ACADM: variants seen among roughly 807,000 people sequenced by gnomAD.
The protein encoded by ACADM is acyl-CoA dehydrogenase medium chain, also known as medium-chain specific acyl-CoA dehydrogenase, mitochondrial.
A neutral mutation model predicts 58.9 loss-of-function variants in ACADM; 49 were observed. That is an observed-to-expected ratio of 0.83 (90% CI 0.66 to 1.06). The LOEUF is 1.06. Ranked by LOEUF, ACADM falls within the 50% of genes least tolerant of loss-of-function variation. ACADM has a pLI of 0.00. For missense variants in ACADM, 496 were observed against 507.0 expected (o/e 0.98, Z 0.21); for synonymous variants, 160 against 157.7 (o/e 1.01, Z -0.11).
chr1:75,733,227 T>C (rs1253596814), intron 4 of ACADM: 9 of 1,553,864 alleles, frequency 5.8e-6, no homozygotes, highest in African/African-American at 1.4e-5. Context: ...TGAGTCTTTT[T>C]TGTGAACCAT....
rs1330630804 is a variant in ACADM, at chr1:75,763,472, A to T, written c.*709A>T. ...TGTTTGCATTTTGGCAAAGAACTTA[A>T]TAAAATTGTTCAGTGCTTATTATCA... On this transcript the variant is annotated 3_prime_UTR_variant, in exon 12 of 12. Transcript: ENST00000370841. 6.6e-6 allele frequency: 1 copy of T among 152,214 alleles called. No individual in the cohort carries two copies. Among genetic ancestry groups the T allele is most frequent in the Non-Finnish European group, 1.5e-5 (1 of 68,034 alleles). The allele number at this position is 152,214 out of a possible 1,614,324, so 9.4% of individuals were successfully genotyped here. A position where few individuals can be genotyped will look rare whatever the true frequency, so the allele number is the denominator to read the frequency against.
rs1212362907 is a variant in ACADM, at chr1:75,763,384, A to G, written c.*621A>G. 6.6e-6 allele frequency: 1 copy of G among 152,220 alleles called. No homozygotes were observed. Among genetic ancestry groups the G allele is most frequent in the African/African-American group, 2.4e-5 (1 of 41,464 alleles). The allele number at this position is 152,220 out of a possible 1,614,324, so 9.4% of individuals were successfully genotyped here. On this transcript the variant is annotated 3_prime_UTR_variant, in exon 12 of 12. Transcript: ENST00000370841. ...AAATCAATAAAGCTTGCCTTAAATT[A>G]TTTTTATATGACTGTTGGTCTCTAG...
At chr1:75,744,296 C>T in intron 7 of ACADM, 1 of 1,613,606 alleles carries the variant, frequency 6.2e-7, no homozygotes, top group Non-Finnish European at 8.5e-7. Flanking sequence ...GGGGCTGCAG[C>T]AGCAGGAGCT....
chr1:75,732,603 T>C (rs1185940846), intron 2 of ACADM, 41 bp from the exon 3 acceptor site: 5 of 1,472,918 alleles, frequency 3.4e-6, no homozygotes, highest in Non-Finnish European at 4.8e-6. Context: ...ACATTTTTCC[T>C]TGTTATCCAG....
chr1:75,734,823 A>G lies in ACADM; in HGVS notation c.420A>G (p.Gln140=). ...CTATTATTATTGCTGGAAATGATCA[A>G]CAAAAGAAGAAGTATTTGGGGAGAA... The part of the protein sequence containing the change: ...QMPIIIAGND[Q]QKKKYLGRMT... Residue 140 remains glutamine (Q), a synonymous_variant, in exon 6 of 12, where the codon CAA becomes CAG. Coordinates refer to ENST00000370841, the MANE Select transcript of ACADM (RefSeq NM_000016.6). 2 of 1,613,972 alleles carry G rather than the reference A, an allele frequency of 1.2e-6. No homozygotes were observed. Among genetic ancestry groups the G allele is most frequent in the South Asian group, 2.2e-5 (2 of 91,066 alleles).
At chr1:75,751,553 C>CAGTG (rs1200157346) in intron 10 of ACADM, among the ~76,000 whole-genome samples, 1 of 150,848 alleles carries the variant, frequency 6.6e-6, no homozygotes, top group Admixed American at 6.6e-5. Context: ...AGCTGAAGTA[C>CAGTG]AGTGGCATGA....
At chr1:75,733,341 G>A in intron 4 of ACADM, 187 bp from the exon 5 acceptor site, 1 of 1,016,528 alleles carries the variant, frequency 9.8e-7, no homozygotes, top group Non-Finnish European at 1.4e-6. Flanking sequence ...ATAATTTTTT[G>A]AAAATTTTAG....
intron 7 of ACADM, chr1:75,743,867 C>A: frequency 7.0e-7 from 1 of 1,419,328 alleles, no homozygotes. Flanking sequence ...TTGGTTATAT[C>A]ATCAATCACT....
chr1:75,753,124 C>T (rs1242865593), intron 10 of ACADM, among the ~76,000 whole-genome samples: 1 of 152,068 alleles, frequency 6.6e-6, no homozygotes, highest in Non-Finnish European at 1.5e-5. Flanking sequence ...TTTTTTAACC[C>T]TCCTGGGCAA....
chr1:75,740,594 T>C (rs1411536018), intron 7 of ACADM, among the ~76,000 whole-genome samples: 1 of 151,996 alleles, frequency 6.6e-6, no homozygotes, highest in Admixed American at 6.6e-5. Context: ...TCAAAAAATA[T>C]GAAGTTCAAC....
chr1:75,726,498 G>T (rs1439089149), intron 1 of ACADM, among the ~76,000 whole-genome samples: 1 of 151,950 alleles, frequency 6.6e-6, no homozygotes, highest in Non-Finnish European at 1.5e-5. Flanking sequence ...GTTTTCCTTT[G>T]TTATGGAACC....
At chr1:75,761,433 GA>G in intron 11 of ACADM, 63 bp downstream of exon 11, 1 of 1,565,370 alleles carries the variant, frequency 6.4e-7, no homozygotes, top group Middle Eastern at 1.9e-4. Context: ...TGACAACGTG[GA>G]TTTCTGATTA....
intron 10 of ACADM, among the ~76,000 whole-genome samples, chr1:75,751,995 C>CTTTT (rs34262751): frequency 5.0e-5 from 7 of 140,272 alleles, no homozygotes; most frequent in African/African-American, 8.0e-5. Flanking sequence ...TCCTATTTCT[C>CTTTT]TTTTTTTTTT....
At chr1:75,727,789 A>G (rs1647079135) in intron 1 of ACADM, among the ~76,000 whole-genome samples, 1 of 152,216 alleles carries the variant, frequency 6.6e-6, no homozygotes. Flanking sequence ...AAGCGGCAAT[A>G]GACAGCATGA....
At chr1:75,733,687 C>T in intron 5 of ACADM, 59 bp downstream of exon 5, 1 of 1,376,178 alleles carries the variant, frequency 7.3e-7, no homozygotes, top group East Asian at 2.3e-5. Context: ...ATAGTTACTC[C>T]TGAAGAAGTT....
chr1:75,731,278 CAAAAAAAAAAAAAA>C (rs56885972), intron 2 of ACADM, among the ~76,000 whole-genome samples: 2 of 64,924 alleles, frequency 3.1e-5, no homozygotes, highest in Non-Finnish European at 5.4e-5. Context: ...GACTCCGTCT[CAAAAAAAAAAAAAA>C]AAAAAAAAAA....
Position 75,733,654 on chromosome 1 carries a change from C to G in ACADM, c.387+26C>G, listed in dbSNP as rs751818530. 12 of 1,539,662 alleles carry G rather than the reference C, an allele frequency of 7.8e-6. No homozygotes were observed. In the South Asian group the frequency reaches 1.2e-4, roughly 16 times the overall value. On this transcript the variant is annotated intron_variant, in intron 5 of 11. Transcript: ENST00000370841. ...GTAAGTGACTTAGAAAATTAACTAC[C>G]TAACTCAGCTCTTGTTAATGAGATA... is the stretch of plus-strand genomic sequence containing the variant.
intron 5 of ACADM, among the ~76,000 whole-genome samples, chr1:75,734,066 A>G (rs986191797): frequency 3.9e-5 from 6 of 152,010 alleles, no homozygotes; most frequent in African/African-American, 1.4e-4. Context: ...GCTCACTGCA[A>G]CCTGCACCTC....
intron 7 of ACADM, among the ~76,000 whole-genome samples, chr1:75,741,177 T>A (rs992106247): frequency 1.3e-5 from 2 of 152,214 alleles, no homozygotes; most frequent in African/African-American, 4.8e-5. Flanking sequence ...AAATGACCTG[T>A]CTCTCTTTGT....
Sources: gnomAD v4.1 joint callset for allele counts (sites outside exome capture counted in the v4.1 genomes callset) on GRCh38, gnomAD v4.1.1 for gene constraint, MANE v1.5 for transcripts, NCBI Gene and HGNC (gene_info 2026-07-23, HGNC 2026-07-21) for gene names.